SYT1: variants seen among roughly 807,000 people sequenced by gnomAD.
SYT1 encodes synaptotagmin-1.
SYT1 carries 8 observed loss-of-function variants against 44.8 expected under a neutral mutation model. The ratio of observed to expected loss-of-function variants is 0.18; its 90% confidence interval spans 0.10 to 0.32. The LOEUF (loss-of-function observed/expected upper bound fraction) is 0.32. SYT1 is among the 10% of genes least tolerant of loss of function. The probability of loss-of-function intolerance (pLI) is 1.00; values close to 1 mark genes in which losing one functional copy is unlikely to be tolerated. For missense variants in SYT1, 286 were observed against 509.3 expected, an observed-to-expected ratio of 0.56 and a Z score of 4.22; for synonymous variants, 154 against 188.8, an observed-to-expected ratio of 0.82 and a Z score of 1.51.
At chr12:79,334,672 G>A (rs1882008966) in intron 8 of SYT1, among the ~76,000 whole-genome samples, 1 of 152,150 alleles carries the variant, frequency 6.6e-6, no homozygotes, top group African/African-American at 2.4e-5. Context: ...CACGTAGTAA[G>A]ATTTCTGTTG....
At chr12:79,153,295 T>A (rs899758130) in intron 3 of SYT1, among the ~76,000 whole-genome samples, 2 of 152,176 alleles carry the variant, frequency 1.3e-5, no homozygotes, top group Non-Finnish European at 2.9e-5. Context: ...TCAGATCAAA[T>A]TCACCTGGTT....
At chr12:78,938,699 A>T (rs537944066) in intron 1 of SYT1, among the ~76,000 whole-genome samples, 2 of 152,344 alleles carry the variant, frequency 1.3e-5, no homozygotes, top group Non-Finnish European at 2.9e-5. Flanking sequence ...CTCATAACAC[A>T]AATTAAAAAA....
At chr12:78,954,359 G>T (rs555727837) in intron 1 of SYT1, among the ~76,000 whole-genome samples, 1 of 151,984 alleles carries the variant, frequency 6.6e-6, no homozygotes, top group South Asian at 2.1e-4. Flanking sequence ...TGAGGAGCAG[G>T]TATTTGATTT....
chr12:79,015,247 T>G (rs186546217), intron 2 of SYT1, among the ~76,000 whole-genome samples: 1 of 151,962 alleles, frequency 6.6e-6, no homozygotes, highest in Non-Finnish European at 1.5e-5. Context: ...GAAAATGCAT[T>G]CTAAAACTTT....
chr12:78,972,245 T>A (rs1440302052), intron 1 of SYT1, among the ~76,000 whole-genome samples: 2 of 152,112 alleles, frequency 1.3e-5, no homozygotes, highest in African/African-American at 4.8e-5. Context: ...AGTGTAATTA[T>A]TCCTTAAATA....
chr12:79,012,324 C>A (rs1264227941), intron 2 of SYT1, among the ~76,000 whole-genome samples: 1 of 152,022 alleles, frequency 6.6e-6, no homozygotes, highest in Non-Finnish European at 1.5e-5. Context: ...GTTTCACCAC[C>A]ATATTATCTA....
chr12:79,218,002 A>C (rs1293609325), intron 4 of SYT1, among the ~76,000 whole-genome samples: 1 of 151,824 alleles, frequency 6.6e-6, no homozygotes, highest in Non-Finnish European at 1.5e-5. Flanking sequence ...TGTTATATTT[A>C]TTTTGGATTT....
chr12:78,973,579 T>A (rs564945952), intron 1 of SYT1, among the ~76,000 whole-genome samples: 1 of 152,208 alleles, frequency 6.6e-6, no homozygotes, highest in East Asian at 1.9e-4. Context: ...TTAATCACAG[T>A]AGCCAATGTA....
chr12:78,986,626 G>A (rs1257866406), intron 2 of SYT1, among the ~76,000 whole-genome samples: 1 of 151,872 alleles, frequency 6.6e-6, no homozygotes, highest in Non-Finnish European at 1.5e-5. Flanking sequence ...CCTGACAGGG[G>A]AAAAATATTT....
At chr12:79,197,934 A>G (rs1873561346) in intron 3 of SYT1, among the ~76,000 whole-genome samples, 1 of 152,292 alleles carries the variant, frequency 6.6e-6, no homozygotes, top group South Asian at 2.1e-4. Flanking sequence ...GCTAAGAAAC[A>G]TGGAAAGCAA....
intron 3 of SYT1, among the ~76,000 whole-genome samples, chr12:79,145,759 TTGTTTGTTTG>T (rs1869855557): frequency 6.9e-6 from 1 of 145,624 alleles, no homozygotes; most frequent in African/African-American, 2.8e-5. Context: ...TTTTGTTTGT[TTGTTTGTTTG>T]TTTTTTGAGA....
chr12:79,040,839 T>TA (rs1320127477), intron 2 of SYT1, among the ~76,000 whole-genome samples: 3 of 144,138 alleles, frequency 2.1e-5, no homozygotes, highest in Admixed American at 6.9e-5. Flanking sequence ...GCTTTCTACA[T>TA]ATGGCTAGCC....
At chr12:78,983,058 C>T (rs1285649959) in intron 2 of SYT1, among the ~76,000 whole-genome samples, 4 of 151,216 alleles carry the variant, frequency 2.6e-5, no homozygotes, top group Admixed American at 6.6e-5. Flanking sequence ...TAACTTTAAT[C>T]GTATTTTTGT....
rs576742519 is a variant in SYT1 at position 79,404,656 on chromosome 12, G to A, written c.929-39417G>A. 7.6e-4 allele frequency among the ~76,000 whole-genome samples: 115 copies of A among 152,266 alleles called. 2 individuals carry two copies. The South Asian group carries it at 0.023, about 30-fold the overall frequency. Reference sequence around the variant, plus strand: ...CATCCAGGAAGCTTACGTGACTTGCGACTTGCGTAGCGTAGGTTTCAGCAC... The same window carrying A: ...CATCCAGGAAGCTTACGTGACTTGCAACTTGCGTAGCGTAGGTTTCAGCAC... On this transcript the variant is annotated intron_variant, in intron 9 of 10. Transcript: ENST00000261205.
chr12:78,895,155 A>G (rs980694164), intron 1 of SYT1, among the ~76,000 whole-genome samples: 3 of 151,828 alleles, frequency 2.0e-5, no homozygotes, highest in African/African-American at 7.2e-5. Flanking sequence ...AATACTTAGA[A>G]AATAAATATT....
chr12:79,179,619 C>T (rs1196992003), intron 3 of SYT1, among the ~76,000 whole-genome samples: 1 of 150,394 alleles, frequency 6.6e-6, no homozygotes, highest in African/African-American at 2.4e-5. Flanking sequence ...GGGATTTCTC[C>T]ATGTGGGTCA....
intron 3 of SYT1, among the ~76,000 whole-genome samples, chr12:79,194,275 A>G (rs1409187226): frequency 1.3e-5 from 2 of 152,112 alleles, no homozygotes; most frequent in African/African-American, 2.4e-5. Flanking sequence ...TATGAAAAAT[A>G]TAATTGTTTT....
chr12:79,406,353 G>A (rs926117650), intron 9 of SYT1, among the ~76,000 whole-genome samples: 8 of 152,210 alleles, frequency 5.3e-5, no homozygotes, highest in African/African-American at 1.4e-4. Flanking sequence ...AGGGTTACAT[G>A]TTATAGGTCT....
At chr12:78,957,399 G>C (rs1879268788) in intron 1 of SYT1, among the ~76,000 whole-genome samples, 1 of 152,078 alleles carries the variant, frequency 6.6e-6, no homozygotes, top group Non-Finnish European at 1.5e-5. Context: ...GTATTTTAAA[G>C]AAAACTCTTC....
Sources: allele counts gnomAD v4.1 joint callset (sites outside exome capture counted in the v4.1 genomes callset), GRCh38; gene constraint gnomAD v4.1.1; transcripts MANE v1.5; gene names NCBI Gene and HGNC (gene_info 2026-07-23, HGNC 2026-07-21).